Variants in KLHL1 observed in about 807,000 individuals in gnomAD.
KLHL1 encodes the protein kelch-like protein 1.
Under a neutral mutation model 77.7 loss-of-function variants are expected in KLHL1, and 47 were observed. That is an observed-to-expected ratio of 0.60 (90% CI 0.48 to 0.77). The LOEUF is 0.77. Among genes scored for constraint, KLHL1 ranks in the 30% least tolerant of loss-of-function variants. The pLI is 0.00. For missense variants in KLHL1, 925 were observed against 910.8 expected (o/e 1.02, Z -0.20); for synonymous variants, 360 against 325.2 (o/e 1.11, Z -1.15).
At chr13:69,821,341 GTC>G (rs1317538730) in intron 6 of KLHL1, among the ~76,000 whole-genome samples, 3 of 151,554 alleles carry the variant, frequency 2.0e-5, no homozygotes, top group African/African-American at 7.3e-5. Context: ...TTGAGATAGA[GTC>G]TCACTCTGTC....
chr13:70,024,620 T>TTCTCTCTTTCTCTC (rs1885886928), intron 1 of KLHL1, among the ~76,000 whole-genome samples: 1 of 130,288 alleles, frequency 7.7e-6, no homozygotes, highest in Admixed American at 7.9e-5. Flanking sequence ...GAGAAAAGAT[T>TTCTCTCTTTCTCTC]TCTCTCTCTC....
intron 1 of KLHL1, among the ~76,000 whole-genome samples, chr13:70,089,154 C>T (rs952461929): frequency 2.6e-5 from 4 of 152,118 alleles, no homozygotes; most frequent in Non-Finnish European, 5.9e-5. Flanking sequence ...CTATTACTTC[C>T]CAGTTTTCCT....
At chr13:69,745,022 GC>G (rs1377862663) in intron 7 of KLHL1, among the ~76,000 whole-genome samples, 1 of 151,686 alleles carries the variant, frequency 6.6e-6, no homozygotes, top group Non-Finnish European at 1.5e-5. Flanking sequence ...TTGAGTAAAT[GC>G]ATCTAAAAAG....
chr13:69,936,975 G>A (rs193066033), intron 4 of KLHL1, among the ~76,000 whole-genome samples: 1 of 152,238 alleles, frequency 6.6e-6, no homozygotes, highest in Admixed American at 6.5e-5. Flanking sequence ...GGAGAATAAT[G>A]GCTGCTGCTT....
At chr13:69,711,101 G>A (rs1875855087) in intron 9 of KLHL1, among the ~76,000 whole-genome samples, 1 of 152,070 alleles carries the variant, frequency 6.6e-6, no homozygotes, top group Non-Finnish European at 1.5e-5. Flanking sequence ...AAGCATTAGT[G>A]TCATTTTCAT....
chr13:69,925,181 G>A (rs1404570679), intron 4 of KLHL1, among the ~76,000 whole-genome samples: 1 of 152,104 alleles, frequency 6.6e-6, no homozygotes, highest in Admixed American at 6.5e-5. Context: ...TCCCATAACA[G>A]TATTATGGTT....
chr13:69,983,532 T>G (rs9542145), intron 1 of KLHL1, among the ~76,000 whole-genome samples: 141,515 of 146,858 alleles, frequency 0.96, 68,520 homozygotes, highest in Non-Finnish European at 0.99. Context: ...CTTGAAGCCA[T>G]GAGTTTGAGA....
At chr13:69,798,963 C>T (rs1379924204) in intron 6 of KLHL1, among the ~76,000 whole-genome samples, 1 of 152,016 alleles carries the variant, frequency 6.6e-6, no homozygotes, top group Non-Finnish European at 1.5e-5. Flanking sequence ...GTGGCTCATG[C>T]CTGTAGTCTC....
chr13:70,088,446 A>G (rs1441550), intron 1 of KLHL1, among the ~76,000 whole-genome samples: 26,533 of 152,150 alleles, frequency 0.17, 3,915 homozygotes, highest in African/African-American at 0.4. Context: ...TGGGGAGATG[A>G]AGGATGGAGG....
At chr13:69,806,744 CCA>C (rs1877634859) in intron 6 of KLHL1, among the ~76,000 whole-genome samples, 1 of 152,116 alleles carries the variant, frequency 6.6e-6, no homozygotes, top group South Asian at 2.1e-4. Flanking sequence ...GAAAGGCAAC[CCA>C]CACAGAAACT....
At chr13:69,975,522 C>T in intron 2 of KLHL1, 98 bp downstream of exon 2, 3 of 986,768 alleles carry the variant, frequency 3.0e-6, no homozygotes, top group Non-Finnish European at 3.0e-6. Flanking sequence ...AATGTGAATC[C>T]TTATTTCTGT....
intron 7 of KLHL1, among the ~76,000 whole-genome samples, chr13:69,754,666 C>T (rs778060714): frequency 6.6e-6 from 1 of 152,146 alleles, no homozygotes; most frequent in Admixed American, 6.5e-5. Context: ...AAAAAAAAAT[C>T]ATCCTAATAC....
At chr13:70,024,620 T>TTCTCTCTCTCTCTCTCTTTCTC (rs71116979) in intron 1 of KLHL1, among the ~76,000 whole-genome samples, 11 of 130,406 alleles carry the variant, frequency 8.4e-5, no homozygotes, top group Admixed American at 7.1e-4. Context: ...GAGAAAAGAT[T>TTCTCTCTCTCTCTCTCTTTCTC]TCTCTCTCTC....
intron 1 of KLHL1, among the ~76,000 whole-genome samples, chr13:70,106,881 AT>A (rs1317009486): frequency 7.9e-5 from 12 of 152,204 alleles, no homozygotes; most frequent in African/African-American, 4.8e-5. Flanking sequence ...ATATAATTTA[AT>A]GACGGTAGAT....
intron 1 of KLHL1, among the ~76,000 whole-genome samples, chr13:70,017,708 C>T (rs79440156): frequency 7.2e-5 from 11 of 152,124 alleles, no homozygotes; most frequent in East Asian, 5.8e-4. Context: ...ACTACTATCA[C>T]GAGCACAAAA....
intron 1 of KLHL1, among the ~76,000 whole-genome samples, chr13:69,984,280 C>T (rs1884803864): frequency 6.6e-6 from 1 of 152,068 alleles, no homozygotes. Context: ...AAAAAAGCAG[C>T]CTTTAAAATC....
intron 1 of KLHL1, among the ~76,000 whole-genome samples, chr13:70,012,754 CA>C (rs532443795): frequency 2.6e-5 from 4 of 151,706 alleles, no homozygotes; most frequent in Admixed American, 1.3e-4. Context: ...ACTAAAAATA[CA>C]AAAAAATTAG....
chr13:69,794,728 C>T (rs1877029164), intron 7 of KLHL1, among the ~76,000 whole-genome samples: 1 of 151,790 alleles, frequency 6.6e-6, no homozygotes, highest in African/African-American at 2.4e-5. Context: ...TAATGAATTA[C>T]CAAGTAGGGA....
At chr13:70,046,439 C>A (rs1236923925) in intron 1 of KLHL1, among the ~76,000 whole-genome samples, 1 of 151,910 alleles carries the variant, frequency 6.6e-6, no homozygotes, top group African/African-American at 2.4e-5. Flanking sequence ...GACTTGGACC[C>A]AGGTTCATCT....
Sources: allele counts gnomAD v4.1 joint callset (sites outside exome capture counted in the v4.1 genomes callset), GRCh38; gene constraint gnomAD v4.1.1; transcripts MANE v1.5; gene names NCBI Gene and HGNC (gene_info 2026-07-23, HGNC 2026-07-21).